The following CDH2 variants were observed in gnomAD, a reference collection of about 807,000 sequenced individuals.
CDH2 encodes the protein cadherin 2, also known as cadherin-2.
CDH2 carries 17 observed loss-of-function variants against 92.0 expected under a neutral mutation model. The observed-to-expected ratio is 0.18, with a 90% CI of 0.13 to 0.28. The LOEUF is 0.28. CDH2 is among the 10% of genes least tolerant of loss of function. The pLI is 1.00. For missense variants in CDH2, 862 were observed against 1,133.1 expected (o/e 0.76, Z 3.44); for synonymous variants, 419 against 415.9 (o/e 1.01, Z -0.09).
chr18:27,973,566 A>G (rs2011728456), intron 14 of CDH2, among the ~76,000 whole-genome samples: 2 of 152,194 alleles, frequency 1.3e-5, no homozygotes, highest in Admixed American at 1.3e-4. Context: ...CTTCCCTATG[A>G]CATACCTGGA....
intron 2 of CDH2, among the ~76,000 whole-genome samples, chr18:28,127,706 T>A (rs1320041999): frequency 6.6e-6 from 1 of 151,900 alleles, no homozygotes; most frequent in Non-Finnish European, 1.5e-5. Context: ...CAGCTAGAGG[T>A]AGGGGTGCCT....
rs1176600992 is a variant in CDH2, at chr18:27,985,084, A to C, written c.2125T>G (p.Cys709Gly). The C allele has an allele frequency of 6.2e-7, 1 of 1,614,086 alleles. No homozygotes were observed. The highest frequency in any genetic ancestry group is 1.3e-5 in the African/African-American group (1 of 74,942). The change falls in exon 13 of 16, where the codon TGC becomes GGC. Residue 709 changes from cysteine (C) to glycine (G), a missense_variant. Physicochemically the swap from Cys to Gly is radical, Grantham distance 159 (BLOSUM62 -3). Transcript: ENST00000269141. ...KVCQCDSNGDCTDVDRIVGAG... is the reference protein window; with the variant it reads ...KVCQCDSNGDGTDVDRIVGAG... ...CCCACAATCCTGTCCACATCTGTGC[A>C]GTCCCCGTTGGAGTCACACTGGCAA...
chr18:27,996,905 C>G (rs2012602563), intron 7 of CDH2, among the ~76,000 whole-genome samples: 1 of 152,208 alleles, frequency 6.6e-6, no homozygotes, highest in South Asian at 2.1e-4. Flanking sequence ...GGAGCATAAA[C>G]TAGCTCACCT....
chr18:28,132,712 G>C (rs1245324982), intron 2 of CDH2, among the ~76,000 whole-genome samples: 1 of 152,168 alleles, frequency 6.6e-6, no homozygotes, highest in East Asian at 1.9e-4. Context: ...TTTAAAAAAT[G>C]AATCTCAGGG....
rs375461044 is a variant in CDH2, at chr18:27,995,140, G to A, written c.1021-1503C>T. ...AGTCTGGCCAACATAGTGAAACCCC[G>A]TCTCTATTAAAAATACACAAAAAAT... On this transcript the variant is annotated intron_variant, in intron 7 of 15. Transcript: ENST00000269141. 2.1e-3 allele frequency among the ~76,000 whole-genome samples: 320 copies of A among 151,564 alleles called. 2 individuals are homozygous for A. The highest frequency in any genetic ancestry group is 7.1e-3 in the African/African-American group (294 of 41,340).
At chr18:28,124,808 T>C (rs771200036) in intron 2 of CDH2, among the ~76,000 whole-genome samples, 1 of 152,198 alleles carries the variant, frequency 6.6e-6, no homozygotes, top group Non-Finnish European at 1.5e-5. Flanking sequence ...GGCCACTAAA[T>C]AGCTGTACAG....
intron 2 of CDH2, among the ~76,000 whole-genome samples, chr18:28,027,804 TA>T (rs911649571): frequency 1.7e-4 from 26 of 151,348 alleles, no homozygotes; most frequent in Non-Finnish European, 3.4e-4. Context: ...AGAATCCAGC[TA>T]AAAATATATA....
chr18:28,097,655 A>G (rs779637996), intron 2 of CDH2, among the ~76,000 whole-genome samples: 2 of 152,232 alleles, frequency 1.3e-5, no homozygotes, highest in Non-Finnish European at 2.9e-5. Context: ...AGGAGGATGC[A>G]CATAGCTTAT....
At chr18:28,056,259 T>G (rs980857602) in intron 2 of CDH2, among the ~76,000 whole-genome samples, 3 of 152,132 alleles carry the variant, frequency 2.0e-5, no homozygotes, top group Admixed American at 1.3e-4. Context: ...AGAATGGAAT[T>G]ATTTGTAAGG....
chr18:28,124,422 A>T (rs1011903505), intron 2 of CDH2, among the ~76,000 whole-genome samples: 4 of 152,166 alleles, frequency 2.6e-5, no homozygotes, highest in Non-Finnish European at 5.9e-5. Flanking sequence ...CCTGGTTTTC[A>T]GAACACAGGC....
intron 14 of CDH2, among the ~76,000 whole-genome samples, chr18:27,974,738 G>C (rs1021812372): frequency 6.6e-6 from 1 of 152,152 alleles, no homozygotes; most frequent in African/African-American, 2.4e-5. Context: ...CCGTTATAAA[G>C]AATACCAAGG....
At chr18:27,993,972 TGG>T (rs2012505717) in intron 7 of CDH2, among the ~76,000 whole-genome samples, 1 of 152,218 alleles carries the variant, frequency 6.6e-6, no homozygotes, top group Admixed American at 6.5e-5. Context: ...TCAAGTCATT[TGG>T]TTCGTATTTA....
chr18:28,005,794 C>T, intron 6 of CDH2, 55 bp downstream of exon 6: 5 of 1,311,150 alleles, frequency 3.8e-6, no homozygotes, highest in Non-Finnish European at 5.3e-6. Context: ...TATAACAGGG[C>T]TGGTTACACC....
chr18:28,160,909 G>C (rs1433511053), intron 1 of CDH2, among the ~76,000 whole-genome samples: 2 of 152,164 alleles, frequency 1.3e-5, no homozygotes, highest in Non-Finnish European at 2.9e-5. Context: ...TGGCATCTGA[G>C]ATACTGTCAC....
At chr18:27,969,929 G>A (rs866998678) in intron 14 of CDH2, among the ~76,000 whole-genome samples, 2 of 152,204 alleles carry the variant, frequency 1.3e-5, no homozygotes, top group Non-Finnish European at 2.9e-5. Flanking sequence ...GAACCTGGGA[G>A]GCAGAGGTTG....
chr18:27,975,500 C>G (rs946433437), intron 14 of CDH2, among the ~76,000 whole-genome samples: 1 of 152,320 alleles, frequency 6.6e-6, no homozygotes, highest in East Asian at 1.9e-4. Flanking sequence ...TGAGTGAGCA[C>G]GGGAACCAGC....
In CDH2 at chr18:28,060,479, G is replaced by A. The variant is rs768223717; in HGVS notation, c.173-46570C>T. Among the ~76,000 whole-genome samples, 140 of 152,218 alleles carry A rather than the reference G, an allele frequency of 9.2e-4. 1 individual carries two copies. The highest frequency in any genetic ancestry group is 1.5e-3 in the Non-Finnish European group (100 of 68,006). ...TGAGATTACAGGCATGAGCCACTGC[G>A]CCTAGCCCCTTCTTTACTTATTAAC... On this transcript the variant is annotated intron_variant, in intron 2 of 15. Coordinates refer to ENST00000269141, the MANE Select transcript of CDH2 (RefSeq NM_001792.5).
At chr18:27,970,861 A>T (rs1394318256) in intron 14 of CDH2, among the ~76,000 whole-genome samples, 1 of 152,214 alleles carries the variant, frequency 6.6e-6, no homozygotes, top group Non-Finnish European at 1.5e-5. Flanking sequence ...GATAACACAT[A>T]AAAAATGGGC....
At chr18:28,156,454 TC>T (rs2016214088) in intron 1 of CDH2, among the ~76,000 whole-genome samples, 1 of 145,550 alleles carries the variant, frequency 6.9e-6, no homozygotes, top group African/African-American at 2.6e-5. Context: ...CATGTCACCT[TC>T]CCAGGTACAG....
Sources: gnomAD v4.1 joint callset for allele counts (sites outside exome capture counted in the v4.1 genomes callset) on GRCh38, gnomAD v4.1.1 for gene constraint, MANE v1.5 for transcripts, NCBI Gene and HGNC (gene_info 2026-07-23, HGNC 2026-07-21) for gene names.